ALDH18A1: variants seen among roughly 807,000 people sequenced by gnomAD.
ALDH18A1 encodes the protein aldehyde dehydrogenase 18 family member A1.
A neutral mutation model predicts 88.8 loss-of-function variants in ALDH18A1; 44 were observed. That is an observed-to-expected ratio of 0.50 (90% confidence interval 0.39 to 0.64). ALDH18A1 has a LOEUF of 0.64. Among genes scored for constraint, ALDH18A1 ranks in the 30% least tolerant of loss-of-function variants. ALDH18A1 has a pLI of 0.00. For synonymous variants in ALDH18A1, 331 were observed against 372.1 expected (o/e 0.89, Z 1.27); for missense variants, 782 against 1,009.5 (o/e 0.77, Z 3.05).
At chr10:95,638,079 A>G (rs1281981317) in intron 3 of ALDH18A1, among the ~76,000 whole-genome samples, 1 of 151,692 alleles carries the variant, frequency 6.6e-6, no homozygotes, top group African/African-American at 2.4e-5. Context: ...CGTGGCATGA[A>G]TGTGGCTCAC....
intron 3 of ALDH18A1, among the ~76,000 whole-genome samples, chr10:95,638,658 C>T (rs796960463): frequency 6.6e-5 from 10 of 152,210 alleles, no homozygotes; most frequent in African/African-American, 2.4e-4. Context: ...CTGCCTACAC[C>T]AGGGGCACAT....
intron 13 of ALDH18A1, among the ~76,000 whole-genome samples, chr10:95,615,696 T>C (rs1212691968): frequency 6.6e-6 from 1 of 152,080 alleles, no homozygotes; most frequent in Non-Finnish European, 1.5e-5. Context: ...TCACTGAGTG[T>C]GTAATGAGCA....
intron 1 of ALDH18A1, among the ~76,000 whole-genome samples, chr10:95,654,556 A>C (rs914698467): frequency 1.2e-4 from 18 of 151,952 alleles, no homozygotes; most frequent in Admixed American, 7.9e-4. Context: ...CAGCCCTCTT[A>C]AATGTGCCTC....
At chr10:95,618,895 T>G (rs1035102856) in intron 12 of ALDH18A1, among the ~76,000 whole-genome samples, 2 of 152,162 alleles carry the variant, frequency 1.3e-5, no homozygotes, top group African/African-American at 4.8e-5. Context: ...GAATATTACC[T>G]TCTATGAGGT....
intron 7 of ALDH18A1, among the ~76,000 whole-genome samples, chr10:95,632,501 C>T (rs1360957757): frequency 1.3e-5 from 2 of 152,188 alleles, no homozygotes; most frequent in Non-Finnish European, 2.9e-5. Context: ...GTAGCTGGAA[C>T]CGCAGGCGCA....
At position 95,628,392 on chromosome 10, in the gene ALDH18A1, C is replaced by G; in HGVS notation, c.909G>C (p.Val303=). The G allele has an allele frequency of 6.2e-7, 1 of 1,614,108 alleles. No homozygotes were observed. Among genetic ancestry groups the G allele is most frequent in the Non-Finnish European group, 8.5e-7 (1 of 1,179,984 alleles). ...QSVTFGTKSR[V]GMGGMEAKVK... is the part of the protein sequence containing the mutation. Reference sequence around the variant, plus strand: ...CCTTGGCTTCCATGCCACCCATTCCCACTCTAGACTTGGTTCCAAATGTCA... The same window carrying G: ...CCTTGGCTTCCATGCCACCCATTCCGACTCTAGACTTGGTTCCAAATGTCA... The change falls in exon 8 of 18, where the codon GTG becomes GTC. Residue 303 remains valine (V), a synonymous_variant. Transcript: ENST00000371224.
chr10:95,624,182 C>T (rs574014956), intron 11 of ALDH18A1, among the ~76,000 whole-genome samples: 25 of 152,280 alleles, frequency 1.6e-4, no homozygotes, highest in Middle Eastern at 6.8e-3. Flanking sequence ...ATAAATTCCC[C>T]GAACTGGGAT....
chr10:95,648,320 T>C (rs994438062), intron 2 of ALDH18A1, among the ~76,000 whole-genome samples: 1 of 150,688 alleles, frequency 6.6e-6, no homozygotes, highest in African/African-American at 2.5e-5. Flanking sequence ...ATATTCTACC[T>C]TCATCATCAT....
chr10:95,621,573 A>C (rs2097852714), intron 11 of ALDH18A1, among the ~76,000 whole-genome samples: 1 of 152,090 alleles, frequency 6.6e-6, no homozygotes, highest in Admixed American at 6.5e-5. Flanking sequence ...CGACCTCCCA[A>C]AGTGCTGGGA....
Position 95,632,874 on chromosome 10 carries a change from C to G in ALDH18A1, c.808+85G>C, listed in dbSNP as rs1439711854. On this transcript the variant is annotated intron_variant, in intron 7 of 17. Coordinates refer to ENST00000371224, the MANE Select transcript of ALDH18A1 (RefSeq NM_002860.4). ...CTATAGCAAAAAAACATCAGAGGGA[C>G]TCAAAGAAAGAGGGAAACTCATGTG... is the stretch of plus-strand genomic sequence containing the variant. 23 of 1,204,496 alleles carry G rather than the reference C, an allele frequency of 1.9e-5. No homozygotes were observed. The East Asian group carries it at 5.3e-4, about 28-fold the overall frequency. 74.6% of individuals were successfully genotyped at this position (1,204,496 alleles called of 1,614,324 possible).
At position 95,611,345 on chromosome 10, in the gene ALDH18A1, C is replaced by G. The variant is rs1341042084; in HGVS notation, c.2021G>C (p.Cys674Ser). 6.2e-7 allele frequency: 1 copy of G among 1,614,212 alleles called. No individual in the cohort carries two copies. The highest frequency in any genetic ancestry group is 1.7e-5 in the Admixed American group (1 of 60,030). ...LRTEYGDLEL[C>S]IEVVDNVQDA... ...CTGAACGTTGTCCACTACTTCAATGCATAATTCCAGGTCCCCATACTCAGT... is the reference window on the plus strand; with the variant it reads ...CTGAACGTTGTCCACTACTTCAATGGATAATTCCAGGTCCCCATACTCAGT... The change falls in exon 16 of 18, where the codon TGC (cysteine) becomes TCC (serine). Residue 674 changes from cysteine to serine, a missense_variant. Transcript: ENST00000371224.
At chr10:95,639,228 G>A (rs1001295545) in intron 3 of ALDH18A1, among the ~76,000 whole-genome samples, 1 of 152,078 alleles carries the variant, frequency 6.6e-6, no homozygotes, top group Non-Finnish European at 1.5e-5. Context: ...CTACTCAGGA[G>A]GCTGAAGAAG....
intron 2 of ALDH18A1, among the ~76,000 whole-genome samples, chr10:95,648,990 A>T (rs1022286843): frequency 1.3e-5 from 2 of 152,192 alleles, no homozygotes; most frequent in Non-Finnish European, 2.9e-5. Context: ...ACTCTACATT[A>T]ATAGGAAAGA....
At chr10:95,617,338 G>C (rs955759386) in intron 12 of ALDH18A1, among the ~76,000 whole-genome samples, 1 of 152,266 alleles carries the variant, frequency 6.6e-6, no homozygotes, top group African/African-American at 2.4e-5. Flanking sequence ...AGCCACCTCT[G>C]TAAGGAAGCA....
chr10:95,623,440 C>T (rs189273004), intron 11 of ALDH18A1, among the ~76,000 whole-genome samples: 518 of 151,872 alleles, frequency 3.4e-3, no homozygotes, highest in Non-Finnish European at 5.7e-3. Flanking sequence ...TGAAGTCTTG[C>T]TCTGCCGCTC....
In ALDH18A1 at chr10:95,632,969, T is replaced by C; in HGVS notation, c.798A>G (p.Ser266=). 1.2e-6 allele frequency: 2 copies of C among 1,614,024 alleles called. No individual in the cohort carries two copies. The highest frequency in any genetic ancestry group is 1.1e-5 in the South Asian group (1 of 91,080). ...AGCATTACTTTGTACCTTCTACATC[T>C]GAAAGAACAATCAAGAGATCAGTTT... ...EMKTDLLIVL[S]DVEGLFDSPP... The change falls in exon 7 of 18, where the codon TCA becomes TCG. Residue 266 remains serine (S), a synonymous_variant. Transcript: ENST00000371224.
chr10:95,621,602 G>A (rs746042551), intron 11 of ALDH18A1, among the ~76,000 whole-genome samples: 1 of 152,000 alleles, frequency 6.6e-6, no homozygotes. Context: ...GCGAGCCACC[G>A]TGCCTGGCCC....
chr10:95,629,406 C>A (rs1191932827), intron 7 of ALDH18A1, among the ~76,000 whole-genome samples: 5 of 152,188 alleles, frequency 3.3e-5, no homozygotes, highest in African/African-American at 1.2e-4. Flanking sequence ...CATACTACCT[C>A]TCTGCAGGAG....
chr10:95,615,417 T>C (rs1376964392), intron 13 of ALDH18A1, among the ~76,000 whole-genome samples: 1 of 151,860 alleles, frequency 6.6e-6, no homozygotes, highest in Non-Finnish European at 1.5e-5. Context: ...GGCTACATAT[T>C]GACTGGGAAG....
Sources: gnomAD v4.1 joint callset for allele counts (sites outside exome capture counted in the v4.1 genomes callset) on GRCh38, gnomAD v4.1.1 for gene constraint, MANE v1.5 for transcripts, NCBI Gene and HGNC (gene_info 2026-07-23, HGNC 2026-07-21) for gene names.